Variants in PCSK5 observed in about 807,000 individuals in gnomAD.
PCSK5 encodes proprotein convertase subtilisin/kexin type 5, also known as prohormone convertase 5.
In PCSK5, 129 loss-of-function variants were observed where a neutral mutation model predicts 233.2. The observed-to-expected ratio is 0.55, with a 90% CI of 0.48 to 0.64. PCSK5 has a LOEUF of 0.64. Ranked by LOEUF, PCSK5 falls within the 30% of genes least tolerant of loss-of-function variation. PCSK5 has a pLI of 0.00. For synonymous variants in PCSK5, 825 were observed against 879.2 expected, an observed-to-expected ratio of 0.94 and a Z score of 1.09; for missense variants, 2,076 against 2,430.1, an observed-to-expected ratio of 0.85 and a Z score of 3.06.
intron 5 of PCSK5, among the ~76,000 whole-genome samples, chr9:76,054,333 G>GAACT (rs1224482022): frequency 2.0e-5 from 3 of 152,168 alleles, no homozygotes; most frequent in Non-Finnish European, 4.4e-5. Context: ...GTGAGGTGAA[G>GAACT]AACTATATTT....
chr9:76,130,526 G>A (rs575265460), intron 9 of PCSK5, among the ~76,000 whole-genome samples: 14 of 152,258 alleles, frequency 9.2e-5, no homozygotes, highest in Admixed American at 7.8e-4. Flanking sequence ...ACAGGAATAA[G>A]AATGTTACCC....
At chr9:76,292,351 G>A (rs535905873) in intron 25 of PCSK5, 76 bp downstream of exon 25, 30 of 946,024 alleles carry the variant, frequency 3.2e-5, no homozygotes, top group East Asian at 1.7e-4. Flanking sequence ...TCAATCCAGC[G>A]ATTAAAGCAA....
intron 5 of PCSK5, 61 bp downstream of exon 5, chr9:76,027,098 T>C (rs1184589866): frequency 1.8e-5 from 18 of 1,015,106 alleles, no homozygotes; most frequent in East Asian, 2.5e-5. Context: ...TTTCTGCTCA[T>C]ACTGAGGGAA....
In PCSK5 at chr9:76,316,551, C is replaced by A. The variant is rs1394356845; in HGVS notation, c.3885-4871C>A. On this transcript the variant is annotated intron_variant, in intron 30 of 37. Coordinates refer to ENST00000674117, the MANE Select transcript of PCSK5 (RefSeq NM_001372043.1). ...CCAGCTTGGGTAACATAGTAAGACC[C>A]CCATCTCTACAAAAAAAAAAAGATA... 3.6e-4 allele frequency among the ~76,000 whole-genome samples: 54 copies of A among 149,256 alleles called. 1 individual carries two copies. The highest frequency in any genetic ancestry group is 3.6e-3 in the Admixed American group (54 of 14,982).
chr9:76,307,310 G>A (rs1052154675), intron 28 of PCSK5, among the ~76,000 whole-genome samples: 4 of 152,322 alleles, frequency 2.6e-5, no homozygotes, highest in African/African-American at 9.6e-5. Context: ...GAGGAAGGAA[G>A]GGAGAAAGGG....
chr9:76,236,104 C>T (rs1826244826), intron 22 of PCSK5, among the ~76,000 whole-genome samples: 1 of 152,198 alleles, frequency 6.6e-6, no homozygotes, highest in Admixed American at 6.5e-5. Flanking sequence ...AATTCTCTTC[C>T]AGATTTATTC....
At chr9:76,234,166 C>T (rs1826181804) in intron 22 of PCSK5, among the ~76,000 whole-genome samples, 1 of 152,082 alleles carries the variant, frequency 6.6e-6, no homozygotes, top group South Asian at 2.1e-4. Flanking sequence ...ATGCCTGTCC[C>T]CTACCGACCT....
intron 2 of PCSK5, among the ~76,000 whole-genome samples, chr9:75,969,524 C>T (rs1355170746): frequency 2.0e-5 from 3 of 152,128 alleles, no homozygotes; most frequent in East Asian, 3.9e-4. Context: ...AAGTAAAGGG[C>T]TGGATAGTAT....
Position 76,130,289 on chromosome 9 carries a change from C to G in PCSK5, c.1209-3820C>G, listed in dbSNP as rs549013321. Reference sequence around the variant, plus strand: ...CAAAGTGTGTGTAACCATGAGGACGCGACGTGCCATACTTGGCTTTTTGAT... The same window carrying G: ...CAAAGTGTGTGTAACCATGAGGACGGGACGTGCCATACTTGGCTTTTTGAT... On this transcript the variant is annotated intron_variant, in intron 9 of 37. Transcript: ENST00000674117. 2.0e-5 allele frequency among the ~76,000 whole-genome samples: 3 copies of G among 152,180 alleles called. No homozygotes were observed. In the East Asian group the frequency reaches 5.8e-4, roughly 29 times the overall value.
intron 2 of PCSK5, among the ~76,000 whole-genome samples, chr9:75,970,427 T>G (rs1430208412): frequency 2.6e-5 from 4 of 152,146 alleles, no homozygotes; most frequent in Admixed American, 1.3e-4. Flanking sequence ...TGCCTAAGAA[T>G]TCTTTCGCCT....
intron 24 of PCSK5, among the ~76,000 whole-genome samples, chr9:76,266,495 T>TA (rs1219580266): frequency 3.3e-5 from 5 of 152,152 alleles, no homozygotes; most frequent in East Asian, 3.8e-4. Flanking sequence ...ATAACATTGA[T>TA]AAAAAAACGT....
chr9:76,103,003 G>GCTTCACATT (rs1831827688), intron 8 of PCSK5, among the ~76,000 whole-genome samples: 1 of 152,130 alleles, frequency 6.6e-6, no homozygotes, highest in East Asian at 1.9e-4. Context: ...TCTTCTATTT[G>GCTTCACATT]TACTTCACAT....
At chr9:76,009,245 A>G (rs1327214492) in intron 3 of PCSK5, among the ~76,000 whole-genome samples, 1 of 152,218 alleles carries the variant, frequency 6.6e-6, no homozygotes, top group Admixed American at 6.5e-5. Flanking sequence ...GATAACAAAA[A>G]AAAGGTTCAA....
intron 12 of PCSK5, among the ~76,000 whole-genome samples, chr9:76,164,969 A>G (rs931966758): frequency 2.6e-5 from 4 of 152,056 alleles, no homozygotes; most frequent in African/African-American, 9.7e-5. Context: ...CATTTTAGGT[A>G]TTACAGACCT....
intron 2 of PCSK5, among the ~76,000 whole-genome samples, chr9:75,955,345 C>A (rs1036594271): frequency 2.0e-5 from 3 of 152,182 alleles, no homozygotes; most frequent in African/African-American, 7.2e-5. Flanking sequence ...AATTCACAGG[C>A]ATGGTTGGAA....
At chr9:75,906,564 G>C (rs1251402095) in intron 1 of PCSK5, among the ~76,000 whole-genome samples, 2 of 152,210 alleles carry the variant, frequency 1.3e-5, no homozygotes, top group Admixed American at 6.5e-5. Flanking sequence ...CCACATGGTA[G>C]TCTGGAGTCA....
intron 1 of PCSK5, among the ~76,000 whole-genome samples, chr9:75,902,955 C>A (rs1826105157): frequency 6.6e-6 from 1 of 152,122 alleles, no homozygotes; most frequent in Non-Finnish European, 1.5e-5. Flanking sequence ...GAATGTAAAA[C>A]CAGGACACAA....
intron 4 of PCSK5, among the ~76,000 whole-genome samples, chr9:76,024,866 TA>T (rs1378929565): frequency 6.6e-6 from 1 of 152,228 alleles, no homozygotes; most frequent in Non-Finnish European, 1.5e-5. Flanking sequence ...TAATCACTTT[TA>T]AAGGCAAACA....
intron 3 of PCSK5, among the ~76,000 whole-genome samples, chr9:76,001,054 A>G (rs1827239583): frequency 1.3e-5 from 2 of 152,094 alleles, no homozygotes; most frequent in African/African-American, 4.8e-5. Context: ...CCATGAATTT[A>G]TACAGATATT....
Sources: gnomAD v4.1 joint callset for allele counts (sites outside exome capture counted in the v4.1 genomes callset) on GRCh38, gnomAD v4.1.1 for gene constraint, MANE v1.5 for transcripts, NCBI Gene and HGNC (gene_info 2026-07-23, HGNC 2026-07-21) for gene names.